ADAMTS17: variants seen among roughly 807,000 people sequenced by gnomAD.
ADAMTS17 encodes A disintegrin and metalloproteinase with thrombospondin motifs 17.
ADAMTS17 carries 113 observed loss-of-function variants against 141.5 expected under a neutral mutation model. The ratio of observed to expected loss-of-function variants is 0.80; its 90% confidence interval spans 0.69 to 0.93. The LOEUF is 0.93. Ranked by LOEUF, ADAMTS17 falls within the 40% of genes least tolerant of loss-of-function variation. The pLI, the probability that ADAMTS17 is intolerant of heterozygous loss-of-function variation, is 0.00. For synonymous variants in ADAMTS17, 768 were observed against 630.6 expected (o/e 1.22, Z -3.27); for missense variants, 1,659 against 1,517.9 (o/e 1.09, Z -1.54).
chr15:100,069,242 G>A (rs1433814125), intron 15 of ADAMTS17, among the ~76,000 whole-genome samples: 1 of 152,200 alleles, frequency 6.6e-6, no homozygotes, highest in Admixed American at 6.5e-5. Flanking sequence ...ATGGGACTAT[G>A]TGAAAAGACC....
At chr15:100,059,961 C>T (rs1313842405) in intron 15 of ADAMTS17, among the ~76,000 whole-genome samples, 1 of 152,212 alleles carries the variant, frequency 6.6e-6, no homozygotes, top group Non-Finnish European at 1.5e-5. Context: ...TATCTCCAAG[C>T]CCCCTTTGTC....
chr15:100,072,102 T>C lies in ADAMTS17; in HGVS notation c.2138-18048A>G, dbSNP rs1266534523. ...TGTGCAAAAATCACAGTCTTTCTTA[T>C]ACACCAGTAACAGATAAACAGAGAG... On this transcript the variant is annotated intron_variant, in intron 15 of 21. Transcript: ENST00000268070. Among the ~76,000 whole-genome samples the C allele has an allele frequency of 1.3e-5, 2 of 150,252 alleles. 1 individual carries two copies. The highest frequency in any genetic ancestry group is 3.0e-5 in the Non-Finnish European group (2 of 67,542).
chr15:100,034,491 G>A (rs952446102), intron 18 of ADAMTS17, among the ~76,000 whole-genome samples: 1 of 152,230 alleles, frequency 6.6e-6, no homozygotes, highest in Non-Finnish European at 1.5e-5. Flanking sequence ...CTACCAGGCT[G>A]GATGCCTGGC....
At chr15:100,338,483 C>T (rs1056486310) in intron 2 of ADAMTS17, among the ~76,000 whole-genome samples, 1 of 152,182 alleles carries the variant, frequency 6.6e-6, no homozygotes, top group Non-Finnish European at 1.5e-5. Context: ...TTTTGTTGAA[C>T]GTGGCCACAT....
intron 2 of ADAMTS17, among the ~76,000 whole-genome samples, chr15:100,334,880 G>C (rs189731687): frequency 3.0e-4 from 46 of 152,320 alleles, no homozygotes; most frequent in African/African-American, 1.0e-3. Context: ...CTGCCCTTCA[G>C]AGTCCCTCTC....
intron 7 of ADAMTS17, among the ~76,000 whole-genome samples, chr15:100,235,514 T>C (rs1298907815): frequency 1.3e-5 from 2 of 151,686 alleles, no homozygotes; most frequent in Non-Finnish European, 2.9e-5. Context: ...AAATTAAGCG[T>C]GTGTCAGAAT....
intron 15 of ADAMTS17, among the ~76,000 whole-genome samples, chr15:100,069,352 A>G (rs1301471944): frequency 6.6e-6 from 1 of 152,212 alleles, no homozygotes; most frequent in African/African-American, 2.4e-5. Context: ...TCCCCAATCT[A>G]GCAAGGCAGG....
rs1207766775 is a variant in ADAMTS17, at chr15:99,997,091, TA to T, written c.2796+293del. Reference sequence around the variant, plus strand: ...CAGTTAAATACACCCAAAGGAGAATTAAAAAGTCGGTCAGTATCTGTCTATC... The same window carrying T: ...CAGTTAAATACACCCAAAGGAGAATTAAAAGTCGGTCAGTATCTGTCTATC... On this transcript the variant is annotated intron_variant, in intron 19 of 21. Transcript: ENST00000268070. This position sits in a 1 kb window ranked among gnomAD's most constrained non-coding sequence, Gnocchi z 4.7. Among the ~76,000 whole-genome samples the T allele has an allele frequency of 2.0e-5, 3 of 152,076 alleles. No homozygotes were observed. The highest frequency in any genetic ancestry group is 2.9e-5 in the Non-Finnish European group (2 of 68,022).
At chr15:100,084,945 T>A (rs933427358) in intron 15 of ADAMTS17, among the ~76,000 whole-genome samples, 27 of 152,204 alleles carry the variant, frequency 1.8e-4, no homozygotes, top group African/African-American at 6.0e-4. Flanking sequence ...CCTCTCCTCC[T>A]CCAAAGGAAC....
At chr15:100,066,096 G>A (rs1287551512) in intron 15 of ADAMTS17, among the ~76,000 whole-genome samples, 2 of 152,134 alleles carry the variant, frequency 1.3e-5, no homozygotes, top group African/African-American at 2.4e-5. Context: ...TGGTGTACAT[G>A]TGCCACATTT....
chr15:100,145,519 G>A lies in ADAMTS17; in HGVS notation c.1473+7093C>T, dbSNP rs183221875. Among the ~76,000 whole-genome samples the A allele has an allele frequency of 1.3e-4, 20 of 152,222 alleles. No homozygotes were observed. In the East Asian group the frequency reaches 2.1e-3, roughly 16 times the overall value. On this transcript the variant is annotated intron_variant, in intron 10 of 21. Transcript: ENST00000268070. ...AACTGCAGGCACCTTAAGATGTCAC[G>A]ACACCACTGGTGTGACTGCTAATGA... is the stretch of plus-strand genomic sequence containing the variant.
At chr15:100,296,630 C>T (rs1044807985) in intron 3 of ADAMTS17, among the ~76,000 whole-genome samples, 1 of 151,422 alleles carries the variant, frequency 6.6e-6, no homozygotes, top group Non-Finnish European at 1.5e-5. Flanking sequence ...CATGCACGCG[C>T]ACGTGCATTT....
chr15:100,214,948 G>A (rs980231999), intron 7 of ADAMTS17, among the ~76,000 whole-genome samples: 34 of 152,232 alleles, frequency 2.2e-4, no homozygotes, highest in African/African-American at 7.2e-4. Flanking sequence ...TCTTTTAGGA[G>A]GAAACAACTG....
At chr15:100,065,600 G>A (rs1232694709) in intron 15 of ADAMTS17, among the ~76,000 whole-genome samples, 3 of 152,176 alleles carry the variant, frequency 2.0e-5, no homozygotes, top group South Asian at 4.2e-4. Context: ...CGGCATACTC[G>A]TGTAATTCAT....
intron 15 of ADAMTS17, among the ~76,000 whole-genome samples, chr15:100,077,872 C>T (rs2034486527): frequency 1.3e-5 from 2 of 152,050 alleles, no homozygotes; most frequent in Non-Finnish European, 2.9e-5. Flanking sequence ...CCCAAGGAAT[C>T]CATTAAAAAA....
intron 6 of ADAMTS17, among the ~76,000 whole-genome samples, chr15:100,259,783 C>T (rs1279781995): frequency 6.6e-6 from 1 of 152,218 alleles, no homozygotes; most frequent in Non-Finnish European, 1.5e-5. Context: ...GAACCATCCA[C>T]AAGAGTGAGC....
At chr15:100,225,312 GT>G (rs1567386150) in intron 7 of ADAMTS17, among the ~76,000 whole-genome samples, 1 of 152,210 alleles carries the variant, frequency 6.6e-6, no homozygotes, top group Non-Finnish European at 1.5e-5. Flanking sequence ...ATATGGTTTC[GT>G]TAAAATAACT....
chr15:100,142,929 T>C (rs112835431), intron 10 of ADAMTS17, among the ~76,000 whole-genome samples: 1 of 152,224 alleles, frequency 6.6e-6, no homozygotes, highest in Non-Finnish European at 1.5e-5. Context: ...TCCTTGTGAA[T>C]GCTATGACAT....
chr15:100,205,930 G>C (rs8033339), intron 7 of ADAMTS17, among the ~76,000 whole-genome samples: 72,777 of 152,074 alleles, frequency 0.48, 17,906 homozygotes, highest in South Asian at 0.58. Context: ...GGCCCCTCCA[G>C]AGGGCAAACA....
Sources: gnomAD v4.1 joint callset for allele counts (sites outside exome capture counted in the v4.1 genomes callset) on GRCh38, gnomAD v4.1.1 for gene constraint, Gnocchi (gnomAD v3.1) non-coding constraint, MANE v1.5 for transcripts, NCBI Gene and HGNC (gene_info 2026-07-23, HGNC 2026-07-21) for gene names.